Variants in CIMAP3 observed in about 807,000 individuals in gnomAD.
CIMAP3 encodes the protein ciliary microtubule associated protein 3.
chr1:111,348,199 C>G, the CIMAP3 span: 1 of 252,544 alleles, frequency 4.0e-6, no homozygotes, highest in East Asian at 7.8e-5. Context: ...GACACTTGAG[C>G]TTAGGGAGCA....
the CIMAP3 span, among the ~76,000 whole-genome samples, chr1:111,334,992 G>A: frequency 3.3e-5 from 5 of 151,920 alleles, no homozygotes; most frequent in African/African-American, 1.2e-4. Context: ...GCTGGGCGTG[G>A]TGGTGCACAC....
the CIMAP3 span, among the ~76,000 whole-genome samples, chr1:111,343,891 G>C: frequency 7.9e-3 from 1,204 of 152,080 alleles, 16 homozygotes; most frequent in African/African-American, 0.027. Flanking sequence ...TTTCTTTTAG[G>C]CTCTTACCTA....
the CIMAP3 span, among the ~76,000 whole-genome samples, chr1:111,350,688 G>T: frequency 2.6e-5 from 4 of 152,202 alleles, no homozygotes; most frequent in African/African-American, 9.6e-5. Flanking sequence ...AATACTAGCT[G>T]CAGTATTTAC....
the CIMAP3 span, among the ~76,000 whole-genome samples, chr1:111,342,672 C>A: frequency 4.2e-3 from 643 of 152,318 alleles, 5 homozygotes; most frequent in Non-Finnish European, 8.0e-3. Flanking sequence ...TTTCTCCCCC[C>A]AGGCACTGTG....
chr1:111,335,284 G>T, the CIMAP3 span, among the ~76,000 whole-genome samples: 112 of 152,280 alleles, frequency 7.4e-4, 1 homozygote, highest in Middle Eastern at 3.4e-3. Context: ...CAGAAGACGG[G>T]TGATTTCTGC....
chr1:111,339,586 G>A, the CIMAP3 span, among the ~76,000 whole-genome samples: 1 of 151,758 alleles, frequency 6.6e-6, no homozygotes, highest in Admixed American at 6.6e-5. Context: ...GCCAAATCAT[G>A]AGTGAATTCC....
chr1:111,338,990 A>G, the CIMAP3 span, among the ~76,000 whole-genome samples: 14 of 152,228 alleles, frequency 9.2e-5, no homozygotes, highest in African/African-American at 3.4e-4. Flanking sequence ...GCAGCACATC[A>G]AAAAGCTTAT....
the CIMAP3 span, among the ~76,000 whole-genome samples, chr1:111,347,300 T>A: frequency 6.6e-6 from 1 of 152,180 alleles, no homozygotes; most frequent in Non-Finnish European, 1.5e-5. Context: ...CCTTCCTCAC[T>A]TCCAAAGGCC....
chr1:111,326,886 C>T, the CIMAP3 span, among the ~76,000 whole-genome samples: 1 of 152,146 alleles, frequency 6.6e-6, no homozygotes, highest in Non-Finnish European at 1.5e-5. Flanking sequence ...ATTTCTTTGT[C>T]TTCTTTTGAA....
the CIMAP3 span, among the ~76,000 whole-genome samples, chr1:111,331,715 G>A: frequency 1.1e-4 from 17 of 151,794 alleles, no homozygotes; most frequent in South Asian, 3.5e-3. Context: ...TGTGATTGGG[G>A]TCTTTTACTG....
chr1:111,325,266 T>C, the CIMAP3 span, among the ~76,000 whole-genome samples: 14 of 152,210 alleles, frequency 9.2e-5, no homozygotes, highest in African/African-American at 3.4e-4. Flanking sequence ...AGGAAAGAAA[T>C]GATTCATGCC....
chr1:111,332,990 G>C, the CIMAP3 span, among the ~76,000 whole-genome samples: 1 of 152,206 alleles, frequency 6.6e-6, no homozygotes, highest in South Asian at 2.1e-4. Flanking sequence ...AGGGGCACTG[G>C]ACAGGACAAG....
At chr1:111,348,653 C>T in the CIMAP3 span, 1 of 1,575,064 alleles carries the variant, frequency 6.3e-7, no homozygotes, top group Non-Finnish European at 8.6e-7. Flanking sequence ...CCAGGTATGT[C>T]TCCTCCCTTT....
the CIMAP3 span, among the ~76,000 whole-genome samples, chr1:111,335,884 G>A: frequency 2.0e-5 from 3 of 152,208 alleles, no homozygotes; most frequent in Non-Finnish European, 4.4e-5. Flanking sequence ...TCTGAGAATG[G>A]GCAGACTGCC....
At chr1:111,335,784 C>T in the CIMAP3 span, among the ~76,000 whole-genome samples, 1 of 152,230 alleles carries the variant, frequency 6.6e-6, no homozygotes, top group Admixed American at 6.5e-5. Context: ...CACAGACCAA[C>T]AAAAAGGCAG....
At chr1:111,324,931 TC>T in the CIMAP3 span, 1 of 927,696 alleles carries the variant, frequency 1.1e-6, no homozygotes, top group Non-Finnish European at 1.3e-6. Context: ...TGAAAACTCA[TC>T]CTTTTAGCAT....
chr1:111,332,538 G>T, the CIMAP3 span, among the ~76,000 whole-genome samples: 1 of 152,204 alleles, frequency 6.6e-6, no homozygotes, highest in African/African-American at 2.4e-5. Flanking sequence ...GGCCTGAGAC[G>T]TAGGCACAGG....
the CIMAP3 span, among the ~76,000 whole-genome samples, chr1:111,328,198 C>T: frequency 6.6e-6 from 1 of 152,082 alleles, no homozygotes; most frequent in African/African-American, 2.4e-5. Context: ...TTTTATTGTG[C>T]TGTGGTTTAA....
chr1:111,337,499 G>A, the CIMAP3 span, among the ~76,000 whole-genome samples: 12 of 152,054 alleles, frequency 7.9e-5, no homozygotes, highest in Admixed American at 6.5e-4. Context: ...AAGGATGGAG[G>A]AAGATCTACC....
Sources: gnomAD v4.1 joint callset for allele counts (sites outside exome capture counted in the v4.1 genomes callset) on GRCh38, gnomAD v4.1.1 for gene constraint, MANE v1.5 for transcripts, NCBI Gene and HGNC (gene_info 2026-07-23, HGNC 2026-07-21) for gene names.